Variants in KCNQ1OT1 observed in about 807,000 individuals in gnomAD.
KCNQ1OT1 encodes the protein KCNQ1 antisense RNA 2 (non-protein coding).
At position 2,613,283 on chromosome 11, in the gene KCNQ1OT1, C is replaced by T. The variant is rs1427681131; in HGVS notation, n.86712G>A. The T allele has an allele frequency of 2.5e-6, 1 of 398,544 alleles. No individual in the cohort carries two copies. Among genetic ancestry groups the T allele is most frequent in the Non-Finnish European group, 4.4e-6 (1 of 226,044 alleles). 24.7% of individuals were successfully genotyped at this position (398,544 alleles called of 1,614,324 possible). A position where few individuals can be genotyped will look rare whatever the true frequency, so the allele number is the denominator to read the frequency against. ...AAACCTCTCTGATCTCTCCTGCAAG[C>T]ATGTACAACTTCCATATCTCCAGAA... is the stretch of plus-strand genomic sequence containing the variant. On this transcript the variant is annotated non_coding_transcript_exon_variant, in exon 1 of 1. Transcript: ENST00000597346. This position sits in a 1 kb window ranked among gnomAD's most constrained non-coding sequence, Gnocchi z 4.8.
chr11:2,642,953 T>G lies in KCNQ1OT1; in HGVS notation n.57042A>C. On this transcript the variant is annotated non_coding_transcript_exon_variant, in exon 1 of 1. Coordinates refer to ENST00000597346, the Ensembl canonical transcript of KCNQ1OT1. This position sits in a 1 kb window ranked among gnomAD's most constrained non-coding sequence, Gnocchi z 4.3. ...ATTCAGGAACATGTTAATTTCCATT[T>G]ATTTATACAGTTTTGAATGCTCCTC... 1 of 398,014 alleles carries G rather than the reference T, an allele frequency of 2.5e-6. No homozygotes were observed. Among genetic ancestry groups the G allele is most frequent in the Non-Finnish European group, 4.4e-6 (1 of 225,710 alleles). 24.7% of individuals were successfully genotyped at this position (398,014 alleles called of 1,614,324 possible).
chr11:2,609,619 G>T (rs912387596), exon 1 of KCNQ1OT1: 1 of 398,378 alleles, frequency 2.5e-6, no homozygotes, highest in East Asian at 3.6e-5. Flanking sequence ...AAAGTGGAGT[G>T]TTGAAGTCTC....
Position 2,687,748 on chromosome 11 carries a change from C to T in KCNQ1OT1, n.12247G>A, listed in dbSNP as rs537705689. 215 of 398,716 alleles carry T rather than the reference C, an allele frequency of 5.4e-4. No homozygotes were observed. The highest frequency in any genetic ancestry group is 6.4e-4 in the South Asian group (5 of 7,868). 24.7% of individuals were successfully genotyped at this position (398,716 alleles called of 1,614,324 possible). Reference sequence around the variant, plus strand: ...CAGTAACCAGCAAATCATGGGGAGACTGAGAAGAGGAGCCCCTTAGCAGGC... The same window carrying T: ...CAGTAACCAGCAAATCATGGGGAGATTGAGAAGAGGAGCCCCTTAGCAGGC... On this transcript the variant is annotated non_coding_transcript_exon_variant, in exon 1 of 1. Coordinates refer to ENST00000597346, the Ensembl canonical transcript of KCNQ1OT1. This position sits in a 1 kb window ranked among gnomAD's most constrained non-coding sequence, Gnocchi z 5.0.
At chr11:2,636,560 T>C (rs1387874054) in exon 1 of KCNQ1OT1, 1 of 152,136 alleles carries the variant, frequency 6.6e-6, no homozygotes, top group Non-Finnish European at 1.5e-5. Flanking sequence ...GGATAAGCTT[T>C]TTGATGTGCT....
rs1050492117 is a variant in KCNQ1OT1, at chr11:2,687,574, T to C, written n.12421A>G. 3.8e-5 allele frequency: 15 copies of C among 398,560 alleles called. No homozygotes were observed. The highest frequency in any genetic ancestry group is 3.1e-4 in the African/African-American group (15 of 48,614). 24.7% of individuals were successfully genotyped at this position (398,560 alleles called of 1,614,324 possible). A position where few individuals can be genotyped will look rare whatever the true frequency, so the allele number is the denominator to read the frequency against. On this transcript the variant is annotated non_coding_transcript_exon_variant, in exon 1 of 1. Coordinates refer to ENST00000597346, the Ensembl canonical transcript of KCNQ1OT1. This position sits in a 1 kb window ranked among gnomAD's most constrained non-coding sequence, Gnocchi z 5.0. ...CACAGCCCACTCTGATGACCCCCTGTCAAGGAGGTGTGACTGAGAAAGGAA... is the reference window on the plus strand; with the variant it reads ...CACAGCCCACTCTGATGACCCCCTGCCAAGGAGGTGTGACTGAGAAAGGAA...
At chr11:2,684,454 C>G in exon 1 of KCNQ1OT1, 1 of 398,624 alleles carries the variant, frequency 2.5e-6, no homozygotes, top group Middle Eastern at 6.3e-4. Context: ...GTTCTTTTGG[C>G]AAAAAGACTA....
At chr11:2,665,580 G>C (rs1850052586) in exon 1 of KCNQ1OT1, 1 of 395,596 alleles carries the variant, frequency 2.5e-6, no homozygotes, top group African/African-American at 2.1e-5. Flanking sequence ...TCTTTCCAAC[G>C]TCTGCTCAGT....
exon 1 of KCNQ1OT1, chr11:2,699,659 C>A (rs1169716456): frequency 2.8e-6 from 1 of 359,656 alleles, no homozygotes; most frequent in Non-Finnish European, 5.0e-6. Context: ...CGCCGAAGAA[C>A]CCCCGGGGAG....
exon 1 of KCNQ1OT1, chr11:2,665,651 C>T (rs1189429940): frequency 7.5e-6 from 3 of 397,946 alleles, no homozygotes; most frequent in East Asian, 3.6e-5. Flanking sequence ...TCAAAGCCCT[C>T]AGTACCAGTT....
rs769757588 is a variant in KCNQ1OT1, at chr11:2,626,690, G to C, written n.73305C>G. 1 of 397,486 alleles carries C rather than the reference G, an allele frequency of 2.5e-6. No individual in the cohort carries two copies. The highest frequency in any genetic ancestry group is 4.4e-6 in the Non-Finnish European group (1 of 226,010). The allele number at this position is 397,486 out of a possible 1,614,324, so 24.6% of individuals were successfully genotyped here. ...AATAGAAGTGTGTACCATTACACCT[G>C]GCCAATTATTTTATTTTTTGTAGAG... On this transcript the variant is annotated non_coding_transcript_exon_variant, in exon 1 of 1. Transcript: ENST00000597346. This position sits in a 1 kb window ranked among gnomAD's most constrained non-coding sequence, Gnocchi z 4.0.
At chr11:2,662,762 G>A (rs746809372) in exon 1 of KCNQ1OT1, 34 of 399,174 alleles carry the variant, frequency 8.5e-5, no homozygotes, top group Middle Eastern at 6.2e-4. Context: ...CTGCTAACCC[G>A]TTGGGGATTC....
chr11:2,662,378 GC>G (rs1421483050), exon 1 of KCNQ1OT1: 20 of 459,552 alleles, frequency 4.4e-5, no homozygotes, highest in Non-Finnish European at 7.4e-5. Flanking sequence ...CTCTCCCCCA[GC>G]CCCCTCCCCT....
In KCNQ1OT1 at chr11:2,695,653, T is replaced by C. The variant is rs2133897393; in HGVS notation, n.4342A>G. The C allele has an allele frequency of 2.5e-6, 1 of 398,580 alleles. No individual in the cohort carries two copies. Among genetic ancestry groups the C allele is most frequent in the East Asian group, 3.6e-5 (1 of 28,070 alleles). 24.7% of individuals were successfully genotyped at this position (398,580 alleles called of 1,614,324 possible). A position where few individuals can be genotyped will look rare whatever the true frequency, so the allele number is the denominator to read the frequency against. On this transcript the variant is annotated non_coding_transcript_exon_variant, in exon 1 of 1. Coordinates refer to ENST00000597346, the Ensembl canonical transcript of KCNQ1OT1. This position sits in a 1 kb window ranked among gnomAD's most constrained non-coding sequence, Gnocchi z 5.2. ...AAACTGCTGGGCCACAGGTATAAAA[T>C]ATTTTATTTGAGGAAGAAGTGTTGG...
At chr11:2,672,925 C>A in exon 1 of KCNQ1OT1, 1 of 398,722 alleles carries the variant, frequency 2.5e-6, no homozygotes, top group Non-Finnish European at 4.4e-6. Context: ...GCTGGCCATG[C>A]AGGCCCACCA....
Position 2,654,399 on chromosome 11 carries a change from G to A in KCNQ1OT1, n.45596C>T, listed in dbSNP as rs929897363. ...GTAGGCTGGCTCAGGGAACTCGCCT[G>A]TGCCAAACCCTGGGGAGACATGGGT... On this transcript the variant is annotated non_coding_transcript_exon_variant, in exon 1 of 1. Transcript: ENST00000597346. This position sits in a 1 kb window ranked among gnomAD's most constrained non-coding sequence, Gnocchi z 6.4. 6 of 398,518 alleles carry A rather than the reference G, an allele frequency of 1.5e-5. No homozygotes were observed. The highest frequency in any genetic ancestry group is 2.2e-5 in the Non-Finnish European group (5 of 226,130). 24.7% of individuals were successfully genotyped at this position (398,518 alleles called of 1,614,324 possible).
At chr11:2,689,276 C>T in exon 1 of KCNQ1OT1, 1 of 398,718 alleles carries the variant, frequency 2.5e-6, no homozygotes, top group Non-Finnish European at 4.4e-6. Flanking sequence ...AGCCTTTGCA[C>T]AGATATCTCC....
Position 2,651,573 on chromosome 11 carries a change from T to C in KCNQ1OT1, n.48422A>G. ...ATGGATATTGTGTTCTTTACCTCCA[T>C]GTCTCCAGTGCCTGCCACATAGCAG... On this transcript the variant is annotated non_coding_transcript_exon_variant, in exon 1 of 1. Transcript: ENST00000597346. This position sits in a 1 kb window ranked among gnomAD's most constrained non-coding sequence, Gnocchi z 6.1. 2.5e-6 allele frequency: 1 copy of C among 398,642 alleles called. No individual in the cohort carries two copies. The highest frequency in any genetic ancestry group is 3.6e-5 in the East Asian group (1 of 28,072). 24.7% of individuals were successfully genotyped at this position (398,642 alleles called of 1,614,324 possible). A position where few individuals can be genotyped will look rare whatever the true frequency, so the allele number is the denominator to read the frequency against.
chr11:2,658,866 C>G lies in KCNQ1OT1; in HGVS notation n.41129G>C, dbSNP rs1849899580. The G allele has an allele frequency of 2.5e-6, 1 of 398,518 alleles. No homozygotes were observed. The highest frequency in any genetic ancestry group is 4.4e-6 in the Non-Finnish European group (1 of 226,022). 24.7% of individuals were successfully genotyped at this position (398,518 alleles called of 1,614,324 possible). A position where few individuals can be genotyped will look rare whatever the true frequency, so the allele number is the denominator to read the frequency against. ...AACCTGGCTCCCATTACCTACAGTT[C>G]ATTTACTTATTTGTGTAACCCTATT... On this transcript the variant is annotated non_coding_transcript_exon_variant, in exon 1 of 1. Transcript: ENST00000597346. The surrounding 1 kb of genome is among the most constrained non-coding windows in gnomAD (Gnocchi z 4.9).
exon 1 of KCNQ1OT1, chr11:2,672,820 A>G (rs1850210733): frequency 2.5e-6 from 1 of 398,594 alleles, no homozygotes; most frequent in Admixed American, 4.4e-5. Context: ...GGACCAAGTG[A>G]CCCCAACTCT....
Sources: gnomAD v4.1 joint callset for allele counts on GRCh38, gnomAD v4.1.1 for gene constraint, Gnocchi (gnomAD v3.1) non-coding constraint, MANE v1.5 for transcripts, NCBI Gene and HGNC (gene_info 2026-07-23, HGNC 2026-07-21) for gene names.